Variants in RCOR2 observed in about 807,000 individuals in gnomAD.
The protein encoded by RCOR2 is REST corepressor 2.
Under a neutral mutation model 58.9 loss-of-function variants are expected in RCOR2, and 19 were observed. The ratio of observed to expected loss-of-function variants is 0.32; its 90% CI spans 0.23 to 0.47. The LOEUF is 0.47. RCOR2 is among the 20% of genes least tolerant of loss of function. The pLI, the probability that RCOR2 is intolerant of heterozygous loss-of-function variation, is 1.00. For missense variants in RCOR2, 590 were observed against 707.9 expected, an observed-to-expected ratio of 0.83 and a Z score of 1.89; for synonymous variants, 286 against 278.7, an observed-to-expected ratio of 1.03 and a Z score of -0.26.
At chr11:63,927,720 C>T in the RCOR2 span, among the ~76,000 whole-genome samples, 4 of 152,212 alleles carry the variant, frequency 2.6e-5, 1 homozygote, top group South Asian at 6.2e-4. Context: ...GTGTCCCAAG[C>T]ACCACTTCCC....
At chr11:63,922,803 C>G in the RCOR2 span, among the ~76,000 whole-genome samples, 4 of 152,196 alleles carry the variant, frequency 2.6e-5, no homozygotes, top group African/African-American at 7.2e-5. Context: ...GGTGGCTCAC[C>G]ATTCTCTGAG....
In RCOR2 at chr11:63,912,325, C is replaced by T. The variant is rs2134244063; in HGVS notation, c.1237G>A (p.Ala413Thr). The T allele has an allele frequency of 6.2e-7, 1 of 1,613,154 alleles. No homozygotes were observed. The highest frequency in any genetic ancestry group is 8.5e-7 in the Non-Finnish European group (1 of 1,179,570). Residue 413 changes from alanine (A) to threonine (T), a missense_variant, in exon 11 of 12, where the codon GCC becomes ACC. By Grantham distance (58) the Ala-to-Thr change is moderately conservative. Coordinates refer to ENST00000301459, the MANE Select transcript of RCOR2 (RefSeq NM_173587.4). The part of the protein sequence containing the change: ...ARRGAPLPAP[A>T]LEEDDEVQIT... ...CTCACCTCATCATCTTCCTCTAGGG[C>T]TGGGGCTGGCAATGGAGCCCCTCTC... is the stretch of plus-strand genomic sequence containing the variant.
intron 4 of RCOR2, 34 bp downstream of exon 4, chr11:63,914,868 C>A: frequency 6.2e-7 from 1 of 1,612,258 alleles, no homozygotes; most frequent in Non-Finnish European, 8.5e-7. Flanking sequence ...CACCGTTCCA[C>A]CCCATTCCCA....
chr11:63,918,434 G>T (rs964529693), upstream of RCOR2, among the ~76,000 whole-genome samples: 39 of 152,248 alleles, frequency 2.6e-4, no homozygotes, highest in Non-Finnish European at 5.3e-4. Flanking sequence ...CTGCGCCGTC[G>T]AGCCACATGG....
chr11:63,912,641 C>A, intron 10 of RCOR2, 35 bp downstream of exon 10: 1 of 1,610,920 alleles, frequency 6.2e-7, no homozygotes. Flanking sequence ...AGATAGATTC[C>A]TGGGGTCCTC....
In RCOR2 at chr11:63,911,950, G is replaced by C; in HGVS notation, c.1487C>G (p.Ala496Gly). 7.7e-7 allele frequency: 1 copy of C among 1,293,646 alleles called. No homozygotes were observed. The highest frequency in any genetic ancestry group is 1.6e-5 in the South Asian group (1 of 64,238). The allele number at this position is 1,293,646 out of a possible 1,614,324, so 80.1% of individuals were successfully genotyped here. A position where few individuals can be genotyped will look rare whatever the true frequency, so the allele number is the denominator to read the frequency against. ...PPPLIRPALA[A>G]PRHSARPGPQ... is the part of the protein sequence containing the mutation. ...GCCAGGGCGGGCGCTGTGGCGGGGG[G>C]CAGCCAGAGCGGGGCGGATGAGAGG... The change falls in exon 12 of 12, where the codon GCC becomes GGC. Residue 496 changes from alanine to glycine, a missense_variant. Physicochemically the swap from Ala to Gly is moderately conservative, Grantham distance 60. Transcript: ENST00000301459.
intron 8 of RCOR2, 21 bp downstream of exon 8, chr11:63,913,933 G>C: frequency 6.2e-7 from 1 of 1,609,780 alleles, no homozygotes; most frequent in Non-Finnish European, 8.5e-7. Flanking sequence ...TGCATAGCCC[G>C]TTCATTTCCC....
At chr11:63,922,691 C>T in the RCOR2 span, among the ~76,000 whole-genome samples, 1 of 152,212 alleles carries the variant, frequency 6.6e-6, no homozygotes, top group Non-Finnish European at 1.5e-5. Context: ...GATTATATCC[C>T]ATTCCTTCTC....
At chr11:63,919,583 A>G (rs1229372243), upstream of RCOR2, among the ~76,000 whole-genome samples, 1 of 151,914 alleles carries the variant, frequency 6.6e-6, no homozygotes, top group Non-Finnish European at 1.5e-5. Context: ...GGCCAGGAAC[A>G]TGGGGGTGTG....
At chr11:63,913,189 T>A (rs1260602733) in intron 8 of RCOR2, among the ~76,000 whole-genome samples, 140 of 132,676 alleles carry the variant, frequency 1.1e-3, no homozygotes, top group Middle Eastern at 3.8e-3. Context: ...TATATATTTT[T>A]TTTTTTTTTT....
chr11:63,915,509 C>A (rs1242140813), intron 2 of RCOR2, 46 bp downstream of exon 2: 4 of 1,534,350 alleles, frequency 2.6e-6, no homozygotes, highest in Non-Finnish European at 3.5e-6. Context: ...GGCCAAGCCC[C>A]GGGCCTCCAC....
At chr11:63,913,025 C>G (rs1175273031) in intron 8 of RCOR2, 78 bp from the exon 9 acceptor site, 2 of 1,220,122 alleles carry the variant, frequency 1.6e-6, no homozygotes, top group South Asian at 1.3e-5. Context: ...GACCCTACTT[C>G]TGCACAGACA....
At position 63,911,840 on chromosome 11, in the gene RCOR2, C is replaced by T. The variant is rs543555433; in HGVS notation, c.*25G>A. On this transcript the variant is annotated 3_prime_UTR_variant, in exon 12 of 12. Coordinates refer to ENST00000301459, the MANE Select transcript of RCOR2 (RefSeq NM_173587.4). Reference sequence around the variant, plus strand: ...TGGCCAGCAAAGGGGTCCTGGAGCCCGTGGTTGGTGGAGGACGTCAGGGCT... The same window carrying T: ...TGGCCAGCAAAGGGGTCCTGGAGCCTGTGGTTGGTGGAGGACGTCAGGGCT... 63 of 1,455,960 alleles carry T rather than the reference C, an allele frequency of 4.3e-5. 1 individual carries two copies. Among genetic ancestry groups the T allele is most frequent in the South Asian group, 4.0e-4 (29 of 72,538 alleles). The allele number at this position is 1,455,960 out of a possible 1,614,324, so 90.2% of individuals were successfully genotyped here. A position where few individuals can be genotyped will look rare whatever the true frequency, so the allele number is the denominator to read the frequency against.
Position 63,914,077 on chromosome 11 carries a change from C to T in RCOR2, c.768G>A (p.Arg256=), listed in dbSNP as rs1435220990. 1.2e-6 allele frequency: 2 copies of T among 1,613,778 alleles called. No individual in the cohort carries two copies. The highest frequency in any genetic ancestry group is 2.2e-5 in the East Asian group (1 of 44,898). The change falls in exon 8 of 12, where the codon CGG becomes CGA. Residue 256 remains arginine (R), a synonymous_variant. Transcript: ENST00000301459. The stretch of plus-strand genomic sequence containing the variant: ...GGTACATGCCCTTGGGTGGGCGACG[C>T]CGGGTTCGCAAGGGATGGTGGCGGT... ...SQYRHHPLRT[R]RRPPKGMYLS... is the part of the protein sequence containing the mutation.
intron 1 of RCOR2, 91 bp from the exon 2 acceptor site, chr11:63,915,702 C>A: frequency 8.3e-7 from 1 of 1,201,334 alleles, no homozygotes; most frequent in Non-Finnish European, 1.2e-6. Flanking sequence ...GCCTGGAGTT[C>A]TCCTTCCTGA....
At chr11:63,919,054 G>A (rs558133988), upstream of RCOR2, among the ~76,000 whole-genome samples, 10 of 152,306 alleles carry the variant, frequency 6.6e-5, no homozygotes, top group Non-Finnish European at 1.3e-4. Context: ...CTCTGGAGGT[G>A]GGGACAGGGA....
At chr11:63,918,050 G>T (rs1941884613), upstream of RCOR2, among the ~76,000 whole-genome samples, 1 of 152,038 alleles carries the variant, frequency 6.6e-6, no homozygotes, top group Non-Finnish European at 1.5e-5. Flanking sequence ...GAGCCTGCGA[G>T]CTGCGCCCGT....
At chr11:63,920,983 G>C (rs1054286274), upstream of RCOR2, among the ~76,000 whole-genome samples, 3 of 152,220 alleles carry the variant, frequency 2.0e-5, no homozygotes, top group Admixed American at 6.5e-5. Context: ...CACGGTGGCC[G>C]TGCAAGGAGG....
At chr11:63,926,136 C>T in the RCOR2 span, among the ~76,000 whole-genome samples, 78 of 152,212 alleles carry the variant, frequency 5.1e-4, no homozygotes, top group African/African-American at 1.6e-3. Context: ...ATCTCGAACT[C>T]CTGACCTCAG....
Sources: allele counts gnomAD v4.1 joint callset (sites outside exome capture counted in the v4.1 genomes callset), GRCh38; gene constraint gnomAD v4.1.1; transcripts MANE v1.5; gene names NCBI Gene and HGNC (gene_info 2026-07-23, HGNC 2026-07-21).